Variants in DCAKD observed in about 807,000 individuals in gnomAD.
DCAKD encodes dephospho-CoA kinase domain-containing protein.
A neutral mutation model predicts 18.7 loss-of-function variants in DCAKD; 15 were observed. The ratio of observed to expected loss-of-function variants is 0.80; its 90% CI spans 0.54 to 1.24. The LOEUF is 1.24. DCAKD is among the 50% of genes most tolerant of loss of function. The pLI is 0.00. For synonymous variants in DCAKD, 130 were observed against 133.0 expected, an observed-to-expected ratio of 0.98 and a Z score of 0.16; for missense variants, 301 against 322.0, an observed-to-expected ratio of 0.93 and a Z score of 0.50.
chr17:45,047,538 C>T (rs2143355677), intron 1 of DCAKD, among the ~76,000 whole-genome samples: 1 of 143,828 alleles, frequency 7.0e-6, no homozygotes, highest in Middle Eastern at 4.0e-3. Context: ...TGGAGTCTCA[C>T]CCTGTTGCCC....
chr17:45,030,154 G>A lies in DCAKD; in HGVS notation c.342C>T (p.Ile114=), dbSNP rs774461028. Reference sequence around the variant, plus strand: ...ACTTCTTGGTCTCAAACAGCAGGGGGATATCCAGAATCACGTAGCGGTATC... The same window carrying A: ...ACTTCTTGGTCTCAAACAGCAGGGGAATATCCAGAATCACGTAGCGGTATC... The part of the protein sequence containing the change: ...LRGYRYVILD[I]PLLFETKKLL... Residue 114 remains isoleucine, a synonymous_variant, in exon 4 of 5, where the codon ATC becomes ATT. Coordinates refer to ENST00000651974, the MANE Select transcript of DCAKD (RefSeq NM_001288655.2). 6.2e-7 allele frequency: 1 copy of A among 1,614,148 alleles called. No homozygotes were observed.
At chr17:45,042,248 C>T (rs563651347) in intron 1 of DCAKD, among the ~76,000 whole-genome samples, 17 of 152,320 alleles carry the variant, frequency 1.1e-4, no homozygotes, top group African/African-American at 3.8e-4. Flanking sequence ...CTCACCACTC[C>T]CTTTACTTTC....
chr17:45,033,610 G>A (rs1786788845), intron 3 of DCAKD, among the ~76,000 whole-genome samples: 1 of 152,202 alleles, frequency 6.6e-6, no homozygotes, highest in Non-Finnish European at 1.5e-5. Flanking sequence ...GATTACAGGT[G>A]CACACCACCA....
At chr17:45,056,765 G>A (rs552871459) in intron 1 of DCAKD, among the ~76,000 whole-genome samples, 4 of 151,492 alleles carry the variant, frequency 2.6e-5, no homozygotes, top group East Asian at 2.0e-4. Context: ...ATGAGCCACC[G>A]TGCCTGGCCC....
Position 45,034,383 on chromosome 17 carries a change from C to A in DCAKD, c.120G>T (p.Gln40His). 1 of 1,613,726 alleles carries A rather than the reference C, an allele frequency of 6.2e-7. No homozygotes were observed. The highest frequency in any genetic ancestry group is 8.5e-7 in the Non-Finnish European group (1 of 1,180,010). The change falls in exon 3 of 5, where the codon CAG (glutamine) becomes CAT (histidine). Residue 40 changes from glutamine (Q) to histidine (H), a missense_variant. Transcript: ENST00000651974. The stretch of plus-strand genomic sequence containing the variant: ...TGCGCCGGTGGGCAGGGTATCCTGG[C>A]TGCACGACTGTGGCAGGAGGAAGAA... ...DVDVMARHVV[Q>H]PGYPAHRRIV...
In DCAKD at chr17:45,024,683, C is replaced by CT. The variant is rs750337994; in HGVS notation, c.445dup (p.Ser149LysfsTer47). The stretch of plus-strand genomic sequence containing the variant: ...GGCCTCTGCGTCCTTGCGGTTCAGG[C>CT]TGTTCCGCCGCATCAGCCGTGCCAG... On this transcript the variant is annotated frameshift_variant, in exon 5 of 5. Coordinates refer to ENST00000651974, the MANE Select transcript of DCAKD (RefSeq NM_001288655.2). LOFTEE classifies it high-confidence loss of function. 13 of 1,600,482 alleles carry CT rather than the reference C, an allele frequency of 8.1e-6. No individual in the cohort carries two copies. The East Asian group carries it at 2.9e-4, about 36-fold the overall frequency.
At chr17:45,024,826 G>A in intron 4 of DCAKD, 102 bp from the exon 5 acceptor site, 1 of 1,386,452 alleles carries the variant, frequency 7.2e-7, no homozygotes, top group East Asian at 2.4e-5. Flanking sequence ...AGAGAGCATG[G>A]GGACTGGATC....
chr17:45,030,754 T>G (rs2053157938), intron 3 of DCAKD, among the ~76,000 whole-genome samples: 1 of 152,224 alleles, frequency 6.6e-6, no homozygotes. Context: ...GAGGCTCACG[T>G]TGGGGCGGCA....
chr17:45,034,154 G>A (rs753946708), intron 3 of DCAKD, 33 bp downstream of exon 3: 6 of 1,612,902 alleles, frequency 3.7e-6, no homozygotes, highest in Non-Finnish European at 5.1e-6. Context: ...CTGGAAGGAG[G>A]CCCCGCCCCC....
chr17:45,049,494 T>C (rs892020950), intron 1 of DCAKD, among the ~76,000 whole-genome samples: 2 of 151,794 alleles, frequency 1.3e-5, no homozygotes, highest in Non-Finnish European at 2.9e-5. Flanking sequence ...TGGTTCTTTT[T>C]TTTTTTTTCA....
chr17:45,043,412 T>C (rs1415151171), intron 1 of DCAKD, among the ~76,000 whole-genome samples: 1 of 152,200 alleles, frequency 6.6e-6, no homozygotes, highest in Admixed American at 6.5e-5. Context: ...GATGGGTTAC[T>C]TAAGGGTGTA....
chr17:45,058,529 C>T (rs1171630158), intron 1 of DCAKD, among the ~76,000 whole-genome samples: 6 of 151,864 alleles, frequency 4.0e-5, no homozygotes, highest in Non-Finnish European at 7.4e-5. Flanking sequence ...AAAAGATTCT[C>T]GCGTCTCAGC....
chr17:45,030,143 A>G lies in DCAKD; in HGVS notation c.353T>C (p.Phe118Ser), dbSNP rs1357400456. ...RYVILDIPLL[F>S]ETKKLLKYMK... is the part of the protein sequence containing the mutation. Reference sequence around the variant, plus strand: ...GTACTTGAGCAACTTCTTGGTCTCAAACAGCAGGGGGATATCCAGAATCAC... The same window carrying G: ...GTACTTGAGCAACTTCTTGGTCTCAGACAGCAGGGGGATATCCAGAATCAC... Residue 118 changes from phenylalanine (F) to serine (S), a missense_variant, in exon 4 of 5, where the codon TTT becomes TCT. Physicochemically the swap from Phe to Ser is radical, Grantham distance 155 (BLOSUM62 -2). Coordinates refer to ENST00000651974, the MANE Select transcript of DCAKD (RefSeq NM_001288655.2). 6.2e-7 allele frequency: 1 copy of G among 1,614,170 alleles called. No homozygotes were observed. Among genetic ancestry groups the G allele is most frequent in the African/African-American group, 1.3e-5 (1 of 75,052 alleles).
At chr17:45,046,014 A>ATCC (rs1159488752) in intron 1 of DCAKD, among the ~76,000 whole-genome samples, 1 of 151,736 alleles carries the variant, frequency 6.6e-6, no homozygotes, top group Non-Finnish European at 1.5e-5. Flanking sequence ...TTTAGTAGAG[A>ATCC]CGGGATTTCA....
At chr17:45,034,416 C>G in intron 2 of DCAKD, 26 bp from the exon 3 acceptor site, 1 of 1,612,238 alleles carries the variant, frequency 6.2e-7, no homozygotes, top group Non-Finnish European at 8.5e-7. Context: ...GAAGCTGGGT[C>G]ACTCCCTGAA....
In DCAKD at chr17:45,023,806, G is replaced by A. The variant is rs1169107363; in HGVS notation, c.*627C>T. On this transcript the variant is annotated 3_prime_UTR_variant, in exon 5 of 5. Coordinates refer to ENST00000651974, the MANE Select transcript of DCAKD (RefSeq NM_001288655.2). Reference sequence around the variant, plus strand: ...CTACACAAACCCTACGTGGGGAGAGGGGTCTCCCAGAAGAGGCTGGTCCTG... The same window carrying A: ...CTACACAAACCCTACGTGGGGAGAGAGGTCTCCCAGAAGAGGCTGGTCCTG... The A allele has an allele frequency of 6.6e-6, 1 of 152,554 alleles. No individual in the cohort carries two copies. Among genetic ancestry groups the A allele is most frequent in the Admixed American group, 6.5e-5 (1 of 15,346 alleles). 9.5% of individuals were successfully genotyped at this position (152,554 alleles called of 1,614,324 possible).
At chr17:45,057,361 A>G (rs1325950697) in intron 1 of DCAKD, among the ~76,000 whole-genome samples, 1 of 151,464 alleles carries the variant, frequency 6.6e-6, no homozygotes, top group South Asian at 2.1e-4. Context: ...GCATAACTCC[A>G]TAAGGCAGAA....
At chr17:45,034,165 C>G (rs779287996) in intron 3 of DCAKD, 22 bp downstream of exon 3, 8 of 1,608,990 alleles carry the variant, frequency 5.0e-6, no homozygotes, top group Non-Finnish European at 6.8e-6. Flanking sequence ...CCCCGCCCCC[C>G]GCCCCAGGCC....
intron 1 of DCAKD, among the ~76,000 whole-genome samples, chr17:45,044,667 G>A: frequency 7.4e-6 from 1 of 135,174 alleles, no homozygotes; most frequent in Admixed American, 7.1e-5. Context: ...ACTCTAGCCT[G>A]GGAGACAGAG....
Sources: allele counts gnomAD v4.1 joint callset (sites outside exome capture counted in the v4.1 genomes callset), GRCh38; gene constraint gnomAD v4.1.1; transcripts MANE v1.5; gene names NCBI Gene and HGNC (gene_info 2026-07-23, HGNC 2026-07-21).